The following ADGRG7 variants were observed in gnomAD, a reference collection of about 807,000 sequenced individuals.
ADGRG7 encodes the protein G-protein coupled receptor 128.
Under a neutral mutation model 88.6 loss-of-function variants are expected in ADGRG7, and 82 were observed. The ratio of observed to expected loss-of-function variants is 0.93; its 90% CI spans 0.77 to 1.11. The LOEUF (loss-of-function observed/expected upper bound fraction) is 1.11. Ranked by LOEUF, ADGRG7 falls within the 50% of genes most tolerant of loss-of-function variation. The probability of loss-of-function intolerance (pLI) is 0.00; values close to 1 mark genes in which losing one functional copy is unlikely to be tolerated. For missense variants in ADGRG7, 945 were observed against 953.4 expected (o/e 0.99, Z 0.12); for synonymous variants, 381 against 345.2 (o/e 1.10, Z -1.15).
intron 5 of ADGRG7, among the ~76,000 whole-genome samples, chr3:100,636,392 A>G (rs1164203119): frequency 6.6e-6 from 1 of 152,230 alleles, no homozygotes; most frequent in Non-Finnish European, 1.5e-5. Flanking sequence ...ATGCATTTCT[A>G]TTAAGAATAT....
At chr3:100,630,896 C>T (rs1559673283) in intron 3 of ADGRG7, 87 bp downstream of exon 3, 1 of 612,526 alleles carries the variant, frequency 1.6e-6, no homozygotes, top group East Asian at 3.2e-5. Context: ...TGTTAGGTCC[C>T]TGAAGGGCAT....
At chr3:100,683,146 C>T (rs371174430) in intron 15 of ADGRG7, among the ~76,000 whole-genome samples, 1 of 152,284 alleles carries the variant, frequency 6.6e-6, no homozygotes, top group African/African-American at 2.4e-5. Flanking sequence ...CAGTAAAGCT[C>T]CTTTTCGTCC....
chr3:100,632,836 C>A lies in ADGRG7; in HGVS notation c.335-429C>A, dbSNP rs868797361. 3.9e-5 allele frequency among the ~76,000 whole-genome samples: 6 copies of A among 152,294 alleles called. No individual in the cohort carries two copies. In the Middle Eastern group the frequency reaches 0.017, roughly 432 times the overall value. ...GAAATAAACCAAATGACCCAGCAAA[C>A]ATTTATTGAGGCAACTAAACATCTA... On this transcript the variant is annotated intron_variant, in intron 3 of 15. Transcript: ENST00000273352.
At chr3:100,631,642 A>T (rs979805549) in intron 3 of ADGRG7, among the ~76,000 whole-genome samples, 11 of 152,196 alleles carry the variant, frequency 7.2e-5, no homozygotes, top group African/African-American at 2.7e-4. Context: ...ATTGACAAAG[A>T]TGTTTGATAA....
intron 12 of ADGRG7, 115 bp from the exon 13 acceptor site, chr3:100,655,784 T>C: frequency 1.5e-6 from 1 of 660,822 alleles, no homozygotes; most frequent in Non-Finnish European, 2.7e-6. Context: ...ATATTGTCCA[T>C]AGTGAAAACA....
intron 15 of ADGRG7, among the ~76,000 whole-genome samples, chr3:100,671,954 T>A (rs2094959167): frequency 6.6e-6 from 1 of 152,258 alleles, no homozygotes; most frequent in Non-Finnish European, 1.5e-5. Context: ...TTTTGGTTAC[T>A]GTAGCCTTGT....
At chr3:100,694,659 G>T (rs1576344302) in intron 15 of ADGRG7, 85 bp from the exon 16 acceptor site, 2 of 1,266,324 alleles carry the variant, frequency 1.6e-6, no homozygotes, top group Admixed American at 2.0e-5. Flanking sequence ...AGATGAGAAG[G>T]TTGGGTGGCA....
At chr3:100,656,460 A>G (rs1199108095) in intron 13 of ADGRG7, among the ~76,000 whole-genome samples, 7 of 152,330 alleles carry the variant, frequency 4.6e-5, no homozygotes, top group Middle Eastern at 3.4e-3. Context: ...TATGATTTTA[A>G]TGAATATTTC....
At chr3:100,634,953 A>G (rs1169567573) in intron 4 of ADGRG7, among the ~76,000 whole-genome samples, 1 of 152,046 alleles carries the variant, frequency 6.6e-6, no homozygotes, top group East Asian at 1.9e-4. Context: ...ATAGCCTATA[A>G]CACTGGTATA....
At chr3:100,647,892 T>C (rs2149026870) in intron 10 of ADGRG7, among the ~76,000 whole-genome samples, 1 of 152,336 alleles carries the variant, frequency 6.6e-6, no homozygotes, top group East Asian at 1.9e-4. Context: ...TGGAGACTGG[T>C]AGAACATACT....
chr3:100,683,414 A>C (rs566173901), intron 15 of ADGRG7, among the ~76,000 whole-genome samples: 2 of 152,268 alleles, frequency 1.3e-5, no homozygotes, highest in South Asian at 2.1e-4. Flanking sequence ...TGGTGTCACC[A>C]AGCTTCTGGG....
At chr3:100,622,652 A>G (rs2149013980) in intron 1 of ADGRG7, among the ~76,000 whole-genome samples, 1 of 152,242 alleles carries the variant, frequency 6.6e-6, no homozygotes, top group South Asian at 2.1e-4. Context: ...TGCAATTCTA[A>G]TCTACAATTA....
chr3:100,626,512 C>G (rs557525654), intron 1 of ADGRG7, among the ~76,000 whole-genome samples: 2 of 152,088 alleles, frequency 1.3e-5, no homozygotes, highest in African/African-American at 4.8e-5. Context: ...CGGGGTCAGG[C>G]ATGGTGGCTC....
At chr3:100,646,460 T>TAGTATATATTTA in intron 9 of ADGRG7, 109 bp from the exon 10 acceptor site, 1 of 799,506 alleles carries the variant, frequency 1.3e-6, no homozygotes, top group Non-Finnish European at 2.0e-6. Flanking sequence ...TGCTGATGCT[T>TAGTATATATTTA]AGTATATATT....
chr3:100,611,225 A>G (rs1707143838), intron 1 of ADGRG7, among the ~76,000 whole-genome samples: 1 of 149,678 alleles, frequency 6.7e-6, no homozygotes, highest in South Asian at 2.1e-4. Context: ...CATACTTCAC[A>G]AAGTTTTGTT....
At chr3:100,686,833 G>A (rs1327835535) in intron 15 of ADGRG7, among the ~76,000 whole-genome samples, 5 of 152,128 alleles carry the variant, frequency 3.3e-5, no homozygotes, top group Non-Finnish European at 5.9e-5. Context: ...TTGTTCTTTT[G>A]GCTTAGGATT....
chr3:100,683,906 AT>A (rs1376144484), intron 15 of ADGRG7, among the ~76,000 whole-genome samples: 4 of 151,864 alleles, frequency 2.6e-5, no homozygotes, highest in Admixed American at 6.5e-5. Context: ...CTTTTATTCT[AT>A]TTTTCTATTA....
At chr3:100,683,336 C>T (rs538294598) in intron 15 of ADGRG7, among the ~76,000 whole-genome samples, 7 of 152,264 alleles carry the variant, frequency 4.6e-5, no homozygotes, top group Admixed American at 2.6e-4. Context: ...TGTGGCTCTT[C>T]GGGGAGCCCA....
intron 14 of ADGRG7, among the ~76,000 whole-genome samples, chr3:100,660,481 G>GT (rs981573749): frequency 6.6e-6 from 1 of 151,806 alleles, no homozygotes; most frequent in Non-Finnish European, 1.5e-5. Flanking sequence ...ATCTTTTTCT[G>GT]TTTTTTATAG....
Sources: gnomAD v4.1 joint callset for allele counts (sites outside exome capture counted in the v4.1 genomes callset) on GRCh38, gnomAD v4.1.1 for gene constraint, MANE v1.5 for transcripts, NCBI Gene and HGNC (gene_info 2026-07-23, HGNC 2026-07-21) for gene names.